Variants in DOCK9 observed in about 807,000 individuals in gnomAD.
DOCK9 encodes the protein dedicator of cytokinesis protein 9.
DOCK9 carries 89 observed loss-of-function variants against 263.3 expected under a neutral mutation model. The observed-to-expected ratio is 0.34, with a 90% CI of 0.28 to 0.40. DOCK9 has a LOEUF of 0.40. Among genes scored for constraint, DOCK9 ranks in the 10% least tolerant of loss-of-function variants. The pLI, the probability that DOCK9 is intolerant of heterozygous loss-of-function variation, is 1.00. For synonymous variants in DOCK9, 976 were observed against 973.1 expected, an observed-to-expected ratio of 1.00 and a Z score of -0.06; for missense variants, 2,140 against 2,603.4, an observed-to-expected ratio of 0.82 and a Z score of 3.87.
chr13:98,900,961 T>G (rs1271023586), intron 13 of DOCK9, among the ~76,000 whole-genome samples: 1 of 152,200 alleles, frequency 6.6e-6, no homozygotes, highest in African/African-American at 2.4e-5. Context: ...TGTCAGTGAA[T>G]TCAGGCCTCT....
In DOCK9 at chr13:98,817,451, C is replaced by CTTTTTTTTTTTTTTTTTT. The variant is rs10683281; in HGVS notation, c.5130+6929_5130+6946dup. ...TGTGAGAACAGACTAATACACCCAG[C>CTTTTTTTTTTTTTTTTTT]TTTTTTTTTTTTTTTTTTTTTGGTA... On this transcript the variant is annotated intron_variant, in intron 45 of 52. Coordinates refer to ENST00000682017, the MANE Select transcript of DOCK9 (RefSeq NM_001366683.2). Among the ~76,000 whole-genome samples the CTTTTTTTTTTTTTTTTTT allele has an allele frequency of 5.1e-5, 5 of 97,632 alleles. 1 individual carries two copies. The highest frequency in any genetic ancestry group is 2.0e-4 in the African/African-American group (4 of 20,240). 64.1% of individuals were successfully genotyped at this position (97,632 alleles called of 152,430 possible).
intron 1 of DOCK9, among the ~76,000 whole-genome samples, chr13:98,958,956 A>T (rs972245154): frequency 6.6e-6 from 1 of 152,198 alleles, no homozygotes; most frequent in Non-Finnish European, 1.5e-5. Context: ...CCCAAGGTGT[A>T]TCTTGGAGGT....
intron 15 of DOCK9, among the ~76,000 whole-genome samples, chr13:98,890,053 T>A (rs2046384399): frequency 6.6e-6 from 1 of 152,248 alleles, no homozygotes; most frequent in South Asian, 2.1e-4. Flanking sequence ...GAAGAGAATT[T>A]AATTTTTGTC....
chr13:98,962,905 C>G (rs890810054), intron 1 of DOCK9, among the ~76,000 whole-genome samples: 1 of 152,194 alleles, frequency 6.6e-6, no homozygotes, highest in African/African-American at 2.4e-5. Context: ...AAAAGCACTT[C>G]TGACCCCCTC....
At chr13:99,060,341 T>A (rs2041132197) in intron 1 of DOCK9, among the ~76,000 whole-genome samples, 1 of 152,140 alleles carries the variant, frequency 6.6e-6, no homozygotes. Flanking sequence ...CCTCCCAAAG[T>A]GCTGGGATTA....
intron 49 of DOCK9, among the ~76,000 whole-genome samples, chr13:98,801,796 G>A (rs974086733): frequency 2.6e-5 from 4 of 152,164 alleles, no homozygotes; most frequent in Non-Finnish European, 5.9e-5. Flanking sequence ...TCACAGGATG[G>A]GAAACAGGCC....
intron 9 of DOCK9, among the ~76,000 whole-genome samples, chr13:98,911,722 C>A (rs2050075944): frequency 6.6e-6 from 1 of 151,596 alleles, no homozygotes; most frequent in South Asian, 2.1e-4. Context: ...TGGTATAAAA[C>A]CCTGTCTCTA....
In DOCK9 at chr13:99,056,161, G is replaced by C. The variant is rs1028230142; in HGVS notation, c.129+30062C>G. On this transcript the variant is annotated intron_variant, in intron 1 of 32. Transcript: ENST00000427887. ...AATATATATTTTTTTCCTGTAAACG[G>C]AGTGCCAAATGTTTTGATCATTTTT... 3.3e-5 allele frequency among the ~76,000 whole-genome samples: 5 copies of C among 152,266 alleles called. 1 individual carries two copies. Among genetic ancestry groups the C allele is most frequent in the Admixed American group, 3.3e-4 (5 of 15,302 alleles).
chr13:98,794,641 C>T lies in DOCK9; in HGVS notation c.6264G>A (p.Ser2088=), dbSNP rs764005812. ...TSTMVHGMTS[S]SSVV is the part of the protein sequence containing the mutation. ...TGAGATGTAATCACACGACCGAAGA[C>T]GAGCTGGTCATCCCGTGAACCATTG... is the stretch of plus-strand genomic sequence containing the variant. The change falls in exon 53 of 53, where the codon TCG becomes TCA. Residue 2088 remains serine, a synonymous_variant. Transcript: ENST00000682017. The T allele has an allele frequency of 5.2e-5, 83 of 1,605,832 alleles. No individual in the cohort carries two copies. Among genetic ancestry groups the T allele is most frequent in the Non-Finnish European group, 6.5e-5 (77 of 1,176,220 alleles).
At chr13:98,902,935 T>C (rs545165861) in intron 11 of DOCK9, 37 bp downstream of exon 11, 63,382 of 1,235,654 alleles carry the variant, frequency 0.051, 1,652 homozygotes, top group South Asian at 0.1. Context: ...CTCTGCCTAT[T>C]TTTTTTTTAA....
chr13:99,058,933 C>G (rs577857625), intron 1 of DOCK9, among the ~76,000 whole-genome samples: 13 of 152,262 alleles, frequency 8.5e-5, no homozygotes, highest in African/African-American at 3.1e-4. Context: ...GTTGTGGCAC[C>G]CCAGGAAGCC....
intron 48 of DOCK9, among the ~76,000 whole-genome samples, chr13:98,805,868 C>T (rs547637060): frequency 1.3e-5 from 2 of 152,262 alleles, no homozygotes; most frequent in African/African-American, 4.8e-5. Flanking sequence ...TCAAGTGATT[C>T]TCCTGCCTCA....
At chr13:98,858,671 C>T (rs560228992) in intron 33 of DOCK9, 3 of 152,290 alleles carry the variant, frequency 2.0e-5, no homozygotes, top group South Asian at 2.1e-4. Context: ...ATAAGCCTGT[C>T]GAGGTGAATT....
At chr13:98,863,622 AC>A in intron 30 of DOCK9, 74 bp from the exon 31 acceptor site, 8 of 1,454,522 alleles carry the variant, frequency 5.5e-6, no homozygotes, top group South Asian at 2.7e-5. Context: ...AAACAAACAA[AC>A]AAAAAAAACT....
intron 15 of DOCK9, among the ~76,000 whole-genome samples, chr13:98,889,929 G>A (rs1396450362): frequency 6.6e-6 from 1 of 152,138 alleles, no homozygotes; most frequent in African/African-American, 2.4e-5. Context: ...CTTTTAGGTA[G>A]CCATACCATC....
intron 9 of DOCK9, among the ~76,000 whole-genome samples, chr13:98,914,071 C>T (rs1277171198): frequency 6.6e-6 from 1 of 152,058 alleles, no homozygotes; most frequent in Admixed American, 6.6e-5. Context: ...ACCTGTGATG[C>T]AGTGTTAAGC....
rs966592228 is a variant in DOCK9, at chr13:98,829,866, G to C, written c.4636-110C>G. The C allele has an allele frequency of 2.7e-5, 24 of 894,426 alleles. No individual in the cohort carries two copies. The highest frequency in any genetic ancestry group is 4.1e-5 in the Non-Finnish European group (23 of 561,706). 55.4% of individuals were successfully genotyped at this position (894,426 alleles called of 1,614,324 possible). On this transcript the variant is annotated intron_variant, in intron 41 of 52. Coordinates refer to ENST00000682017, the MANE Select transcript of DOCK9 (RefSeq NM_001366683.2). This position sits in a 1 kb window ranked among gnomAD's most constrained non-coding sequence, Gnocchi z 4.1. Reference sequence around the variant, plus strand: ...TAAGGACCCAGCAAAGTGGGGGTTGGGGGGTGCTTTGAGCAGGGGTCGCTC... The same window carrying C: ...TAAGGACCCAGCAAAGTGGGGGTTGCGGGGTGCTTTGAGCAGGGGTCGCTC...
intron 45 of DOCK9, among the ~76,000 whole-genome samples, chr13:98,812,784 C>G (rs2091443918): frequency 6.6e-6 from 1 of 151,926 alleles, no homozygotes; most frequent in Non-Finnish European, 1.5e-5. Context: ...AAATATCCAC[C>G]TCATGTGTAC....
intron 1 of DOCK9, among the ~76,000 whole-genome samples, chr13:99,037,968 G>A (rs2142104687): frequency 6.6e-6 from 1 of 152,296 alleles, no homozygotes; most frequent in South Asian, 2.1e-4. Context: ...GATCATAAAA[G>A]GCACAAGGAG....
Sources: gnomAD v4.1 joint callset for allele counts (sites outside exome capture counted in the v4.1 genomes callset) on GRCh38, gnomAD v4.1.1 for gene constraint, Gnocchi (gnomAD v3.1) non-coding constraint, MANE v1.5 for transcripts, NCBI Gene and HGNC (gene_info 2026-07-23, HGNC 2026-07-21) for gene names.